Variants in GNG12 observed in about 807,000 individuals in gnomAD.
The protein encoded by GNG12 is guanine nucleotide-binding protein G(I)/G(S)/G(O) subunit gamma-12.
For synonymous variants in GNG12, 28 were observed against 29.7 expected (o/e 0.94, Z 0.19); for missense variants, 69 against 83.8 (o/e 0.82, Z 0.69).
intron 1 of GNG12, among the ~76,000 whole-genome samples, chr1:67,812,396 G>A (rs1270402538): frequency 6.6e-6 from 1 of 152,212 alleles, no homozygotes; most frequent in Non-Finnish European, 1.5e-5. Context: ...TAAGGACACT[G>A]AGGTATGGGC....
At chr1:67,787,748 A>G (rs1314211258) in intron 1 of GNG12, among the ~76,000 whole-genome samples, 1 of 152,234 alleles carries the variant, frequency 6.6e-6, no homozygotes, top group Non-Finnish European at 1.5e-5. Flanking sequence ...CCTTATTCAC[A>G]ACCCTAAGAG....
At chr1:67,810,691 C>G (rs1362444511) in intron 1 of GNG12, among the ~76,000 whole-genome samples, 1 of 152,174 alleles carries the variant, frequency 6.6e-6, no homozygotes, top group Admixed American at 6.5e-5. Context: ...TCCTCCCCAC[C>G]TTGGACCACA....
rs1169571596 is a variant in GNG12 at position 67,710,203 on chromosome 1, T to A, written c.-26-2491A>T. On this transcript the variant is annotated intron_variant, in intron 2 of 3. Coordinates refer to ENST00000370982, the MANE Select transcript of GNG12 (RefSeq NM_018841.6). ...AGTTATATATATAGTTATATATATA[T>A]AGTTATATATATAGTTATATATATA... 6.2e-5 allele frequency among the ~76,000 whole-genome samples: 2 copies of A among 32,304 alleles called. 1 individual carries two copies. Among genetic ancestry groups the A allele is most frequent in the African/African-American group, 1.3e-4 (2 of 15,376 alleles). The allele number at this position is 32,304 out of a possible 152,430, so 21.2% of individuals were successfully genotyped here. A position where few individuals can be genotyped will look rare whatever the true frequency, so the allele number is the denominator to read the frequency against.
intron 2 of GNG12, among the ~76,000 whole-genome samples, chr1:67,773,819 C>T (rs1018740785): frequency 1.1e-4 from 17 of 152,292 alleles, no homozygotes; most frequent in Middle Eastern, 3.4e-3. Flanking sequence ...CAAGGCTCAG[C>T]ATCAAGACGG....
intron 1 of GNG12, among the ~76,000 whole-genome samples, chr1:67,786,935 ATGTGTGTGTGTGTGTGTGTGTGTGTGTG>A (rs60096043): frequency 7.5e-6 from 1 of 133,410 alleles, no homozygotes; most frequent in South Asian, 2.5e-4. Context: ...TTATATATAT[ATGTGTGTGTGTGTGTGTGTGTGTGTGTG>A]TGTGTGTGTG....
intron 2 of GNG12, among the ~76,000 whole-genome samples, chr1:67,747,923 C>G (rs1050777365): frequency 6.6e-6 from 1 of 152,210 alleles, no homozygotes; most frequent in African/African-American, 2.4e-5. Context: ...TGTACCAAGG[C>G]AGAGCTATTG....
chr1:67,774,185 G>A (rs908339709), intron 2 of GNG12, among the ~76,000 whole-genome samples: 2 of 152,084 alleles, frequency 1.3e-5, no homozygotes, highest in African/African-American at 4.8e-5. Context: ...AGTCATCAAC[G>A]GAGCATGTTT....
chr1:67,785,536 A>G (rs1570546758), intron 1 of GNG12, among the ~76,000 whole-genome samples: 1 of 152,124 alleles, frequency 6.6e-6, no homozygotes. Flanking sequence ...TCCATATTTT[A>G]GTTGTATCTC....
chr1:67,732,343 C>G (rs1193786997), intron 2 of GNG12, among the ~76,000 whole-genome samples: 1 of 152,216 alleles, frequency 6.6e-6, no homozygotes, highest in Non-Finnish European at 1.5e-5. Flanking sequence ...GCACCTAGAA[C>G]ATGAAATCAG....
chr1:67,783,395 G>C (rs970848706), intron 1 of GNG12, among the ~76,000 whole-genome samples: 3 of 151,908 alleles, frequency 2.0e-5, no homozygotes, highest in African/African-American at 7.3e-5. Context: ...CTTTTAAAAG[G>C]GTTTTTATTA....
intron 1 of GNG12, among the ~76,000 whole-genome samples, chr1:67,830,506 T>G (rs1485352679): frequency 6.6e-6 from 1 of 152,186 alleles, no homozygotes. Context: ...CGGATACCCT[T>G]GGGTCACATG....
chr1:67,730,320 C>T (rs1646411593), intron 2 of GNG12, among the ~76,000 whole-genome samples: 1 of 152,062 alleles, frequency 6.6e-6, no homozygotes, highest in South Asian at 2.1e-4. Context: ...GCCAACATGG[C>T]GAAACTCCAT....
At chr1:67,789,934 C>T (rs927755747) in intron 1 of GNG12, among the ~76,000 whole-genome samples, 4 of 152,040 alleles carry the variant, frequency 2.6e-5, no homozygotes, top group South Asian at 2.1e-4. Context: ...GCTTTGACTC[C>T]GCAGAATAGT....
At chr1:67,795,478 A>G (rs1033830472) in intron 1 of GNG12, among the ~76,000 whole-genome samples, 1 of 152,214 alleles carries the variant, frequency 6.6e-6, no homozygotes, top group African/African-American at 2.4e-5. Flanking sequence ...TCGTCCATAC[A>G]TATCTGCTGA....
chr1:67,801,489 A>G (rs139859685), intron 1 of GNG12, among the ~76,000 whole-genome samples: 4 of 152,330 alleles, frequency 2.6e-5, no homozygotes, highest in Non-Finnish European at 5.9e-5. Flanking sequence ...AACTCAGGCC[A>G]TACAGTGGGA....
At chr1:67,786,924 CTT>C (rs1491107559) in intron 1 of GNG12, among the ~76,000 whole-genome samples, 1,107 of 89,180 alleles carry the variant, frequency 0.012, 14 homozygotes, top group African/African-American at 0.049. Flanking sequence ...GTAACAGAGA[CTT>C]ATATATATAT....
At chr1:67,754,308 C>T (rs1646555471) in intron 2 of GNG12, among the ~76,000 whole-genome samples, 2 of 152,094 alleles carry the variant, frequency 1.3e-5, no homozygotes, top group African/African-American at 2.4e-5. Context: ...TTCCTGTCCC[C>T]ACCACAAACC....
At chr1:67,709,356 GT>G (rs1646267778) in intron 2 of GNG12, among the ~76,000 whole-genome samples, 1 of 152,116 alleles carries the variant, frequency 6.6e-6, no homozygotes, top group Admixed American at 6.5e-5. Flanking sequence ...AGCCTCAAGG[GT>G]TTTGATTGAG....
chr1:67,726,307 G>A (rs964630857), intron 2 of GNG12, among the ~76,000 whole-genome samples: 1 of 152,166 alleles, frequency 6.6e-6, no homozygotes, highest in African/African-American at 2.4e-5. Context: ...ATATTATATT[G>A]TGCTTTATAT....
Sources: gnomAD v4.1 joint callset for allele counts (sites outside exome capture counted in the v4.1 genomes callset) on GRCh38, gnomAD v4.1.1 for gene constraint, MANE v1.5 for transcripts, NCBI Gene and HGNC (gene_info 2026-07-23, HGNC 2026-07-21) for gene names.